The following ADCY2 variants were observed in gnomAD, a reference collection of about 807,000 sequenced individuals.
The protein encoded by ADCY2 is adenylate cyclase 2, also known as adenylate cyclase type 2.
A neutral mutation model predicts 125.2 loss-of-function variants in ADCY2; 31 were observed. The observed-to-expected ratio is 0.25, with a 90% CI of 0.19 to 0.33. The LOEUF (loss-of-function observed/expected upper bound fraction) is 0.33. Among genes scored for constraint, ADCY2 ranks in the 10% least tolerant of loss-of-function variants. The probability of loss-of-function intolerance (pLI) is 1.00; values close to 1 mark genes in which losing one functional copy is unlikely to be tolerated. For missense variants in ADCY2, 904 were observed against 1,418.2 expected, an observed-to-expected ratio of 0.64 and a Z score of 5.82; for synonymous variants, 512 against 548.4, an observed-to-expected ratio of 0.93 and a Z score of 0.93.
At chr5:7,779,837 A>G (rs1370384593) in intron 18 of ADCY2, among the ~76,000 whole-genome samples, 6 of 152,046 alleles carry the variant, frequency 3.9e-5, no homozygotes, top group Admixed American at 6.5e-5. Context: ...ATGCCCAGAA[A>G]CCCCTTAGGG....
chr5:7,586,409 C>G (rs1736626604), intron 3 of ADCY2, among the ~76,000 whole-genome samples: 1 of 152,172 alleles, frequency 6.6e-6, no homozygotes, highest in Non-Finnish European at 1.5e-5. Context: ...GTCAGCTTCT[C>G]CCACCCTCAT....
chr5:7,714,664 G>A (rs114592546), intron 11 of ADCY2, among the ~76,000 whole-genome samples: 100 of 152,344 alleles, frequency 6.6e-4, no homozygotes, highest in African/African-American at 2.3e-3. Context: ...AGGCTTGCCT[G>A]CTTTAGTAAA....
chr5:7,658,399 T>TTTTGTGTGTG (rs1554029015), intron 4 of ADCY2, among the ~76,000 whole-genome samples: 12 of 131,022 alleles, frequency 9.2e-5, no homozygotes, highest in African/African-American at 3.1e-4. Context: ...GTGAAGAGAA[T>TTTTGTGTGTG]TGTGTGTGTG....
Position 7,414,621 on chromosome 5 carries a change from G to A in ADCY2, c.259G>A (p.Ala87Thr). The stretch of plus-strand genomic sequence containing the variant: ...TCTAATAACAGTTCCAACTGCCCTG[G>A]CGATTTTCTTTGCGATATTTATCCT... Reference protein sequence around the residue: ...AFLITVPTALAIFFAIFILVC... With the variant: ...AFLITVPTALTIFFAIFILVC... The change falls in exon 2 of 25, where the codon GCG becomes ACG. Residue 87 changes from alanine (A) to threonine (T), a missense_variant. Physicochemically the swap from Ala to Thr is moderately conservative, Grantham distance 58. Transcript: ENST00000338316. 6.2e-7 allele frequency: 1 copy of A among 1,613,008 alleles called. No homozygotes were observed. Among genetic ancestry groups the A allele is most frequent in the Non-Finnish European group, 8.5e-7 (1 of 1,179,648 alleles).
intron 3 of ADCY2, among the ~76,000 whole-genome samples, chr5:7,576,568 A>C (rs1251054501): frequency 6.6e-5 from 10 of 152,254 alleles, no homozygotes. Flanking sequence ...AGTAATAACA[A>C]CAGGCCCTTT....
At chr5:7,735,124 G>A (rs1742210471) in intron 14 of ADCY2, among the ~76,000 whole-genome samples, 1 of 152,144 alleles carries the variant, frequency 6.6e-6, no homozygotes, top group African/African-American at 2.4e-5. Flanking sequence ...AGATGGAAGA[G>A]AGGTCCATCT....
intron 18 of ADCY2, among the ~76,000 whole-genome samples, chr5:7,780,699 A>C (rs1743893121): frequency 6.6e-6 from 1 of 152,202 alleles, no homozygotes; most frequent in Non-Finnish European, 1.5e-5. Context: ...ATATTCACCC[A>C]CAGAAATGTA....
At chr5:7,810,210 T>C (rs1252130459) in intron 22 of ADCY2, among the ~76,000 whole-genome samples, 1 of 152,200 alleles carries the variant, frequency 6.6e-6, no homozygotes, top group African/African-American at 2.4e-5. Flanking sequence ...CTCCTGAAAA[T>C]TGATGGGTTA....
rs368154082 is a variant in ADCY2, at chr5:7,713,418, C to T, written c.1622+519C>T. Among the ~76,000 whole-genome samples, 315 of 151,232 alleles carry T rather than the reference C, an allele frequency of 2.1e-3. 1 individual carries two copies. The highest frequency in any genetic ancestry group is 6.7e-3 in the African/African-American group (277 of 41,198). On this transcript the variant is annotated intron_variant, in intron 11 of 24. Transcript: ENST00000338316. ...CTGAGGCATGAGAATCACTTCAACG[C>T]GGGAGGCAGAGGTTACAGTGAGCCG...
intron 2 of ADCY2, among the ~76,000 whole-genome samples, chr5:7,439,372 G>A (rs766999641): frequency 6.6e-5 from 10 of 152,138 alleles, no homozygotes; most frequent in African/African-American, 1.4e-4. Flanking sequence ...TTATAAAACC[G>A]TCAGCTCTCA....
intron 2 of ADCY2, among the ~76,000 whole-genome samples, chr5:7,455,603 A>G (rs1410600815): frequency 6.7e-6 from 1 of 148,440 alleles, no homozygotes; most frequent in Non-Finnish European, 1.5e-5. Flanking sequence ...TATTATAATT[A>G]TGTATTTGTT....
chr5:7,453,721 G>T (rs1475277953), intron 2 of ADCY2, among the ~76,000 whole-genome samples: 1 of 152,122 alleles, frequency 6.6e-6, no homozygotes, highest in Non-Finnish European at 1.5e-5. Flanking sequence ...CCGGGGTCTT[G>T]TGTCCCTTCT....
intron 22 of ADCY2, among the ~76,000 whole-genome samples, chr5:7,805,237 G>A (rs551609245): frequency 1.3e-5 from 2 of 152,140 alleles, no homozygotes; most frequent in African/African-American, 4.8e-5. Flanking sequence ...TGGGAGGATG[G>A]TTGAGCCTGG....
chr5:7,705,191 G>A (rs1461644563), intron 7 of ADCY2, among the ~76,000 whole-genome samples: 1 of 152,206 alleles, frequency 6.6e-6, no homozygotes, highest in Non-Finnish European at 1.5e-5. Context: ...AAAGACAGAA[G>A]CACAGTACAT....
chr5:7,821,345 A>G (rs1394978422), intron 24 of ADCY2, among the ~76,000 whole-genome samples: 1 of 152,242 alleles, frequency 6.6e-6, no homozygotes, highest in African/African-American at 2.4e-5. Flanking sequence ...AAAATCACTG[A>G]AAAGATAATA....
In ADCY2 at chr5:7,698,208, T is replaced by G. The variant is rs371727394; in HGVS notation, c.982-39T>G. ...ACATGAATCTAGATCATTCTGCAAG[T>G]GCTTAATGCAACTGAAATTCTGTAA... is the stretch of plus-strand genomic sequence containing the variant. On this transcript the variant is annotated intron_variant, in intron 6 of 24. Coordinates refer to ENST00000338316, the MANE Select transcript of ADCY2 (RefSeq NM_020546.3). 2.1e-5 allele frequency: 34 copies of G among 1,611,658 alleles called. No individual in the cohort carries two copies. The African/African-American group carries it at 4.4e-4, about 21-fold the overall frequency.
At chr5:7,475,173 T>C (rs916941141) in intron 2 of ADCY2, among the ~76,000 whole-genome samples, 1 of 151,564 alleles carries the variant, frequency 6.6e-6, no homozygotes, top group African/African-American at 2.4e-5. Flanking sequence ...GTGCGGAGAG[T>C]GGATATGAAG....
intron 2 of ADCY2, among the ~76,000 whole-genome samples, chr5:7,505,778 C>T (rs1401360749): frequency 1.3e-5 from 2 of 152,126 alleles, no homozygotes; most frequent in Non-Finnish European, 2.9e-5. Context: ...AAGTATAAAA[C>T]GGAGTCCCAA....
intron 14 of ADCY2, among the ~76,000 whole-genome samples, chr5:7,733,307 G>T (rs1270799390): frequency 1.3e-5 from 2 of 152,178 alleles, no homozygotes; most frequent in Non-Finnish European, 2.9e-5. Flanking sequence ...AATACTAGAG[G>T]TGGTAAAACG....
Sources: allele counts gnomAD v4.1 joint callset (sites outside exome capture counted in the v4.1 genomes callset), GRCh38; gene constraint gnomAD v4.1.1; transcripts MANE v1.5; gene names NCBI Gene and HGNC (gene_info 2026-07-23, HGNC 2026-07-21).